CSNK2A2IP: variants seen among roughly 807,000 people sequenced by gnomAD.
CSNK2A2IP encodes casein kinase II subunit alpha'-interacting protein.
the CSNK2A2IP span, among the ~76,000 whole-genome samples, chr3:88,461,102 G>A: frequency 6.6e-6 from 1 of 151,442 alleles, no homozygotes; most frequent in Non-Finnish European, 1.5e-5. Context: ...AAAAAACAAA[G>A]AAACATTATT....
chr3:88,381,469 A>T, the CSNK2A2IP span, among the ~76,000 whole-genome samples: 1 of 152,148 alleles, frequency 6.6e-6, no homozygotes, highest in Non-Finnish European at 1.5e-5. Context: ...GGTACTAACT[A>T]TTACTGTTAC....
At chr3:88,466,205 T>TA in the CSNK2A2IP span, 1 of 1,231,548 alleles carries the variant, frequency 8.1e-7, no homozygotes, top group African/African-American at 1.6e-5. Context: ...AAAACACCTA[T>TA]ATTGAACTCT....
At chr3:88,463,798 C>G in the CSNK2A2IP span, among the ~76,000 whole-genome samples, 1 of 152,114 alleles carries the variant, frequency 6.6e-6, no homozygotes, top group South Asian at 2.1e-4. Flanking sequence ...CATCCCATTA[C>G]TGGGTATATA....
the CSNK2A2IP span, among the ~76,000 whole-genome samples, chr3:88,440,029 T>C: frequency 6.6e-6 from 1 of 152,168 alleles, no homozygotes. Flanking sequence ...GGCAAGATGC[T>C]TCATTATTTG....
the CSNK2A2IP span, among the ~76,000 whole-genome samples, chr3:88,426,674 C>T: frequency 4.4e-3 from 664 of 152,116 alleles, 5 homozygotes; most frequent in African/African-American, 0.015. Flanking sequence ...AGGGACTTTC[C>T]CCCCTTTTGC....
the CSNK2A2IP span, among the ~76,000 whole-genome samples, chr3:88,432,212 TA>T: frequency 6.6e-6 from 1 of 152,090 alleles, no homozygotes; most frequent in Middle Eastern, 3.5e-3. Flanking sequence ...TACCAGTTAA[TA>T]TTTTCACAAT....
chr3:88,370,616 CTTTCTT>C, the CSNK2A2IP span, among the ~76,000 whole-genome samples: 12 of 149,770 alleles, frequency 8.0e-5, no homozygotes, highest in Non-Finnish European at 1.5e-4. Context: ...CTCTCTCTTT[CTTTCTT>C]TCTTTCTTTC....
chr3:88,463,274 T>C, the CSNK2A2IP span, among the ~76,000 whole-genome samples: 1 of 148,188 alleles, frequency 6.7e-6, no homozygotes, highest in Non-Finnish European at 1.5e-5. Context: ...TTTTGTATCA[T>C]GTATCTTTAT....
At chr3:88,358,993 G>T in the CSNK2A2IP span, among the ~76,000 whole-genome samples, 1 of 147,948 alleles carries the variant, frequency 6.8e-6, no homozygotes, top group Admixed American at 6.7e-5. Context: ...AGACTTTTTT[G>T]TCTTAAAATC....
the CSNK2A2IP span, among the ~76,000 whole-genome samples, chr3:88,388,612 G>A: frequency 2.7e-4 from 41 of 152,232 alleles, no homozygotes; most frequent in Non-Finnish European, 1.5e-5. Context: ...GTCAGGAAGT[G>A]AAAAAAGTTG....
At chr3:88,381,303 A>T in the CSNK2A2IP span, among the ~76,000 whole-genome samples, 1 of 152,182 alleles carries the variant, frequency 6.6e-6, no homozygotes, top group Non-Finnish European at 1.5e-5. Context: ...AGTAACTTGG[A>T]TATTCCTCCT....
the CSNK2A2IP span, among the ~76,000 whole-genome samples, chr3:88,368,211 T>C: frequency 6.6e-6 from 1 of 152,030 alleles, no homozygotes; most frequent in Non-Finnish European, 1.5e-5. Flanking sequence ...GGCCTACTAG[T>C]TGCCAGGTCC....
the CSNK2A2IP span, among the ~76,000 whole-genome samples, chr3:88,406,208 A>G: frequency 2.0e-5 from 3 of 152,348 alleles, no homozygotes; most frequent in South Asian, 6.2e-4. Context: ...AATGGCTATC[A>G]TGATTATGTT....
the CSNK2A2IP span, among the ~76,000 whole-genome samples, chr3:88,344,066 C>T: frequency 5.9e-5 from 9 of 151,950 alleles, no homozygotes; most frequent in African/African-American, 2.2e-4. Context: ...GTGCTAAAAA[C>T]TTTGTGGTAG....
At chr3:88,364,958 T>A in the CSNK2A2IP span, among the ~76,000 whole-genome samples, 1 of 152,212 alleles carries the variant, frequency 6.6e-6, no homozygotes, top group African/African-American at 2.4e-5. Context: ...TTTATTTTCG[T>A]AACAAATTTA....
At chr3:88,375,341 C>A in the CSNK2A2IP span, among the ~76,000 whole-genome samples, 5,726 of 151,800 alleles carry the variant, frequency 0.038, 267 homozygotes, top group African/African-American at 0.11. Context: ...TCTCTTCTAT[C>A]CTGTTGTTGG....
chr3:88,366,332 G>T, the CSNK2A2IP span, among the ~76,000 whole-genome samples: 1 of 152,026 alleles, frequency 6.6e-6, no homozygotes, highest in African/African-American at 2.4e-5. Context: ...GTTGTATATG[G>T]GTATCTTGTT....
At chr3:88,452,058 C>T in the CSNK2A2IP span, among the ~76,000 whole-genome samples, 1 of 152,054 alleles carries the variant, frequency 6.6e-6, no homozygotes, top group African/African-American at 2.4e-5. Flanking sequence ...GTGGTGACAA[C>T]AGTGGGATAC....
chr3:88,404,402 T>C, the CSNK2A2IP span, among the ~76,000 whole-genome samples: 1 of 152,326 alleles, frequency 6.6e-6, no homozygotes, highest in Middle Eastern at 3.4e-3. Context: ...GCAGCTTATA[T>C]GGTTAATACA....
Sources: allele counts gnomAD v4.1 joint callset (sites outside exome capture counted in the v4.1 genomes callset), GRCh38; gene constraint gnomAD v4.1.1; transcripts MANE v1.5; gene names NCBI Gene and HGNC (gene_info 2026-07-23, HGNC 2026-07-21).